Variants in RHOU observed in about 807,000 individuals in gnomAD.
The protein encoded by RHOU is ras homolog family member U, also known as rho-related GTP-binding protein RhoU.
Under a neutral mutation model 12.6 loss-of-function variants are expected in RHOU, and 8 were observed. The observed-to-expected ratio is 0.64, with a 90% confidence interval of 0.37 to 1.15. The LOEUF is 1.15. Among genes scored for constraint, RHOU ranks in the 50% most tolerant of loss-of-function variants. The pLI, the probability that RHOU is intolerant of heterozygous loss-of-function variation, is 0.01. For synonymous variants in RHOU, 161 were observed against 147.4 expected, an observed-to-expected ratio of 1.09 and a Z score of -0.67; for missense variants, 258 against 347.0, an observed-to-expected ratio of 0.74 and a Z score of 2.04.
At chr1:228,647,508 C>G in the RHOU span, among the ~76,000 whole-genome samples, 1 of 152,336 alleles carries the variant, frequency 6.6e-6, no homozygotes, top group Non-Finnish European at 1.5e-5. Flanking sequence ...CCGGGTAAAG[C>G]AGTCCATGCG....
At chr1:228,687,902 G>T in the RHOU span, 1 of 798,834 alleles carries the variant, frequency 1.3e-6, no homozygotes, top group Non-Finnish European at 2.2e-6. Context: ...CTAACATATT[G>T]TTCTCCCCCT....
upstream of RHOU, among the ~76,000 whole-genome samples, chr1:228,734,190 C>CT (rs5781517): frequency 6.0e-3 from 886 of 147,234 alleles, 5 homozygotes; most frequent in African/African-American, 0.012. Context: ...GATTAAAATA[C>CT]TTTTTTTTTT....
chr1:228,674,653 T>G, the RHOU span, among the ~76,000 whole-genome samples: 1 of 151,946 alleles, frequency 6.6e-6, no homozygotes, highest in Non-Finnish European at 1.5e-5. Flanking sequence ...AGCTGTTTAG[T>G]ACCTTTTGTA....
chr1:228,687,624 GAACTGCACA>G, the RHOU span: 1 of 1,563,248 alleles, frequency 6.4e-7, no homozygotes, highest in Non-Finnish European at 8.7e-7. Flanking sequence ...GTCACTACTG[GAACTGCACA>G]AACTGGCCAC....
chr1:228,725,879 A>G, the RHOU span, among the ~76,000 whole-genome samples: 2 of 152,310 alleles, frequency 1.3e-5, no homozygotes, highest in South Asian at 4.1e-4. Context: ...GTGAGTAGAT[A>G]AAAAAATGAT....
the RHOU span, among the ~76,000 whole-genome samples, chr1:228,717,940 T>A: frequency 1.1e-4 from 17 of 152,358 alleles, no homozygotes; most frequent in East Asian, 2.9e-3. Context: ...AGCAGGGTAG[T>A]GTCATGTCTG....
In RHOU at chr1:228,735,706, T is replaced by C; in HGVS notation, c.-37T>C. 1 of 1,194,204 alleles carries C rather than the reference T, an allele frequency of 8.4e-7. No individual in the cohort carries two copies. The highest frequency in any genetic ancestry group is 3.6e-5 in the East Asian group (1 of 28,102). The allele number at this position is 1,194,204 out of a possible 1,614,324, so 74.0% of individuals were successfully genotyped here. A position where few individuals can be genotyped will look rare whatever the true frequency, so the allele number is the denominator to read the frequency against. ...GCGGAGGGGCGGTCGGGCCGGGCCC[T>C]GCTAGCCCGCGACCGCAAGCCCGCG... On this transcript the variant is annotated 5_prime_UTR_variant, in exon 1 of 3. Coordinates refer to ENST00000366691, the MANE Select transcript of RHOU (RefSeq NM_021205.6). This position sits in a 1 kb window ranked among gnomAD's most constrained non-coding sequence, Gnocchi z 8.1.
chr1:228,658,286 C>CAAA, the RHOU span, among the ~76,000 whole-genome samples: 7 of 93,948 alleles, frequency 7.5e-5, no homozygotes, highest in Non-Finnish European at 1.1e-4. Flanking sequence ...GACCCTGTCT[C>CAAA]AAAAAAAAAA....
At chr1:228,681,284 G>C in the RHOU span, among the ~76,000 whole-genome samples, 1 of 152,134 alleles carries the variant, frequency 6.6e-6, no homozygotes, top group African/African-American at 2.4e-5. Context: ...AACCAGACCG[G>C]GTGTGGGAAG....
chr1:228,660,843 G>A, the RHOU span, among the ~76,000 whole-genome samples: 1 of 150,306 alleles, frequency 6.7e-6, no homozygotes, highest in Non-Finnish European at 1.5e-5. Flanking sequence ...TGAGGCAGGA[G>A]AATTGCTTGA....
the RHOU span, among the ~76,000 whole-genome samples, chr1:228,702,871 C>A: frequency 6.6e-6 from 1 of 152,152 alleles, no homozygotes; most frequent in Admixed American, 6.5e-5. Flanking sequence ...AATAGTTTTT[C>A]TTTTCCCCAT....
the RHOU span, among the ~76,000 whole-genome samples, chr1:228,705,748 A>G: frequency 1.3e-5 from 2 of 152,176 alleles, no homozygotes; most frequent in African/African-American, 4.8e-5. Context: ...GTTTGGATCA[A>G]AAATTTGCTC....
the RHOU span, among the ~76,000 whole-genome samples, chr1:228,717,415 G>A: frequency 1.3e-5 from 2 of 152,270 alleles, no homozygotes; most frequent in East Asian, 3.9e-4. Flanking sequence ...CTTGGGCCCT[G>A]TGGTATGTTA....
intron 1 of RHOU, among the ~76,000 whole-genome samples, chr1:228,736,232 G>A (rs1400274361): frequency 6.9e-6 from 1 of 144,974 alleles, no homozygotes; most frequent in East Asian, 2.0e-4. Context: ...TTGGAGAGAG[G>A]AGGGCGGAGC....
the RHOU span, among the ~76,000 whole-genome samples, chr1:228,648,199 C>G: frequency 2.6e-5 from 4 of 152,354 alleles, no homozygotes; most frequent in East Asian, 7.7e-4. Context: ...CACCGTTGCC[C>G]GCCGCCTTGC....
chr1:228,704,811 TG>T, the RHOU span, among the ~76,000 whole-genome samples: 1 of 152,082 alleles, frequency 6.6e-6, no homozygotes, highest in African/African-American at 2.4e-5. Flanking sequence ...TTTGCTTGTT[TG>T]TTTGTTTTGA....
chr1:228,693,297 G>A, the RHOU span, among the ~76,000 whole-genome samples: 4 of 152,132 alleles, frequency 2.6e-5, no homozygotes, highest in African/African-American at 7.2e-5. Context: ...TGCTGCCTAC[G>A]TGCCCTCACA....
the RHOU span, chr1:228,652,646 T>A: frequency 6.6e-6 from 1 of 152,222 alleles, no homozygotes; most frequent in Non-Finnish European, 1.5e-5. Flanking sequence ...TTTTATCAAC[T>A]ACGAAGTGCT....
the RHOU span, among the ~76,000 whole-genome samples, chr1:228,673,888 C>T: frequency 1.3e-5 from 2 of 152,224 alleles, no homozygotes; most frequent in Non-Finnish European, 2.9e-5. Flanking sequence ...GAATACATTT[C>T]TATTGAGCGT....
Sources: allele counts gnomAD v4.1 joint callset (sites outside exome capture counted in the v4.1 genomes callset), GRCh38; gene constraint gnomAD v4.1.1; non-coding constraint Gnocchi (gnomAD v3.1); transcripts MANE v1.5; gene names NCBI Gene and HGNC (gene_info 2026-07-23, HGNC 2026-07-21).